The following RASSF8 variants were observed in gnomAD, a reference collection of about 807,000 sequenced individuals.
RASSF8 encodes the protein Ras association domain family member 8.
RASSF8 carries 22 observed loss-of-function variants against 48.5 expected under a neutral mutation model. The observed-to-expected ratio is 0.45, with a 90% confidence interval of 0.32 to 0.65. The LOEUF (loss-of-function observed/expected upper bound fraction) is 0.65. RASSF8 is among the 30% of genes least tolerant of loss of function. RASSF8 has a pLI of 0.03. For missense variants in RASSF8, 418 were observed against 489.2 expected (o/e 0.85, Z 1.37); for synonymous variants, 127 against 171.5 (o/e 0.74, Z 2.03).
chr12:25,967,446 T>C (rs1385329897), intron 1 of RASSF8, among the ~76,000 whole-genome samples: 4 of 152,190 alleles, frequency 2.6e-5, no homozygotes, highest in Non-Finnish European at 5.9e-5. Flanking sequence ...ACCTAGATCA[T>C]TCACTTAATT....
At chr12:25,992,205 G>T (rs943890971) in intron 1 of RASSF8, among the ~76,000 whole-genome samples, 8 of 152,158 alleles carry the variant, frequency 5.3e-5, no homozygotes, top group African/African-American at 1.9e-4. Context: ...GACATTTATT[G>T]AGTACCACTT....
chr12:25,997,356 T>A (rs1298839664), intron 2 of RASSF8, among the ~76,000 whole-genome samples: 1 of 152,174 alleles, frequency 6.6e-6, no homozygotes, highest in Non-Finnish European at 1.5e-5. Flanking sequence ...TTCCAAGTAA[T>A]TTTCCATACT....
chr12:26,074,757 C>A (rs1324182399), downstream of RASSF8, among the ~76,000 whole-genome samples: 1 of 152,038 alleles, frequency 6.6e-6, no homozygotes, highest in African/African-American at 2.4e-5. Context: ...CTTACCCCAA[C>A]CCAGTGTGTT....
chr12:26,020,969 T>C (rs950521616), intron 2 of RASSF8, among the ~76,000 whole-genome samples: 5 of 152,184 alleles, frequency 3.3e-5, no homozygotes, highest in African/African-American at 9.7e-5. Context: ...GTCTAGCACT[T>C]TGTAAAGTTG....
intron 1 of RASSF8, among the ~76,000 whole-genome samples, chr12:25,977,441 C>T (rs1941633616): frequency 6.6e-6 from 1 of 152,138 alleles, no homozygotes; most frequent in Non-Finnish European, 1.5e-5. Context: ...AGGAACAACC[C>T]AACTTCCTAC....
intron 3 of RASSF8, among the ~76,000 whole-genome samples, chr12:26,063,422 G>A (rs57278012): frequency 0.053 from 8,092 of 151,692 alleles, 657 homozygotes; most frequent in East Asian, 0.29. Flanking sequence ...TTTTGAGACA[G>A]AGTCTTACTC....
chr12:25,990,821 A>G (rs1306545251), intron 1 of RASSF8, among the ~76,000 whole-genome samples: 2 of 152,218 alleles, frequency 1.3e-5, no homozygotes, highest in Non-Finnish European at 2.9e-5. Context: ...CACTTATGAA[A>G]ATGTGCTACC....
chr12:25,998,411 G>A (rs959783964), intron 2 of RASSF8, among the ~76,000 whole-genome samples: 38 of 150,084 alleles, frequency 2.5e-4, no homozygotes, highest in Admixed American at 8.7e-4. Flanking sequence ...GTGCAATGGC[G>A]TGATCTTGGC....
intron 2 of RASSF8, among the ~76,000 whole-genome samples, chr12:26,006,758 C>T (rs1942401508): frequency 6.6e-6 from 1 of 152,124 alleles, no homozygotes; most frequent in African/African-American, 2.4e-5. Context: ...AGAACAAGGG[C>T]CCTTGTCCAT....
chr12:26,020,083 A>G (rs1246844208), intron 2 of RASSF8: 2 of 152,186 alleles, frequency 1.3e-5, no homozygotes, highest in East Asian at 3.9e-4. Flanking sequence ...ATAGCAAAAT[A>G]AATCAGTTAA....
chr12:25,967,077 TC>T (rs1941376586), intron 1 of RASSF8, among the ~76,000 whole-genome samples: 1 of 152,256 alleles, frequency 6.6e-6, no homozygotes, highest in Non-Finnish European at 1.5e-5. Context: ...GTCTGTTATA[TC>T]CTTTTTTATT....
intron 1 of RASSF8, among the ~76,000 whole-genome samples, chr12:25,970,489 A>G (rs1941460971): frequency 1.3e-5 from 2 of 152,104 alleles, no homozygotes; most frequent in African/African-American, 2.4e-5. Context: ...TCCATCTTCC[A>G]TCATTCACTA....
At chr12:26,038,324 C>G (rs1300601074) in intron 2 of RASSF8, among the ~76,000 whole-genome samples, 22 of 152,022 alleles carry the variant, frequency 1.4e-4, no homozygotes, top group Admixed American at 1.4e-3. Flanking sequence ...TGACTGTTTC[C>G]TTGAAAGTAT....
chr12:25,969,421 G>A (rs1434055957), intron 1 of RASSF8, among the ~76,000 whole-genome samples: 1 of 152,150 alleles, frequency 6.6e-6, no homozygotes, highest in East Asian at 1.9e-4. Flanking sequence ...ACAGAGCATG[G>A]CAGATAGTAT....
At chr12:25,981,239 T>C (rs1941735558) in intron 1 of RASSF8, among the ~76,000 whole-genome samples, 1 of 152,146 alleles carries the variant, frequency 6.6e-6, no homozygotes. Flanking sequence ...TGGGGTTTTA[T>C]TGGGGGCCTA....
intron 2 of RASSF8, among the ~76,000 whole-genome samples, chr12:26,002,913 A>G (rs1036919741): frequency 2.0e-5 from 3 of 152,156 alleles, no homozygotes; most frequent in African/African-American, 7.2e-5. Context: ...ATAGTACATG[A>G]TGTTTATTAT....
chr12:26,056,706 C>T (rs1943610252), intron 3 of RASSF8, among the ~76,000 whole-genome samples: 1 of 152,198 alleles, frequency 6.6e-6, no homozygotes, highest in Non-Finnish European at 1.5e-5. Flanking sequence ...TTTCCTTAAA[C>T]ACTATTGCAC....
chr12:25,964,459 G>A (rs1316380507), intron 1 of RASSF8, among the ~76,000 whole-genome samples: 1 of 152,156 alleles, frequency 6.6e-6, no homozygotes, highest in Non-Finnish European at 1.5e-5. Flanking sequence ...AACAAGAGGA[G>A]AGCTGTGATG....
intron 1 of RASSF8, among the ~76,000 whole-genome samples, chr12:25,986,181 G>C (rs566299126): frequency 2.6e-5 from 4 of 152,252 alleles, no homozygotes; most frequent in African/African-American, 9.6e-5. Context: ...GTTGGGTTCA[G>C]ATGTACCCAG....
Sources: allele counts gnomAD v4.1 joint callset (sites outside exome capture counted in the v4.1 genomes callset), GRCh38; gene constraint gnomAD v4.1.1; transcripts MANE v1.5; gene names NCBI Gene and HGNC (gene_info 2026-07-23, HGNC 2026-07-21).